C2orf92: variants seen among roughly 807,000 people sequenced by gnomAD.
C2orf92 encodes chromosome 2 open reading frame 92, also known as uncharacterized protein C2orf92.
At chr2:97,686,864 A>C (rs563805689) in intron 3 of C2orf92, among the ~76,000 whole-genome samples, 1 of 152,268 alleles carries the variant, frequency 6.6e-6, no homozygotes, top group East Asian at 1.9e-4. Flanking sequence ...AAAATTAAAA[A>C]AAAATTAGCT....
At chr2:97,696,906 A>C (rs1048710791) in intron 5 of C2orf92, among the ~76,000 whole-genome samples, 7 of 152,232 alleles carry the variant, frequency 4.6e-5, no homozygotes, top group Admixed American at 4.6e-4. Context: ...ACATAGCATC[A>C]GTCCTAGCAA....
At chr2:97,685,998 T>C (rs1392195054) in intron 3 of C2orf92, among the ~76,000 whole-genome samples, 1 of 152,246 alleles carries the variant, frequency 6.6e-6, no homozygotes, top group African/African-American at 2.4e-5. Flanking sequence ...TATAACAGAA[T>C]ACCACAGCCT....
At chr2:97,668,476 G>A (rs1414372072), upstream of C2orf92, 1 of 152,122 alleles carries the variant, frequency 6.6e-6, no homozygotes, top group East Asian at 1.9e-4. Flanking sequence ...CAAGCCCAAG[G>A]AGAAGATGGC....
intron 3 of C2orf92, among the ~76,000 whole-genome samples, chr2:97,678,081 T>A (rs2104550288): frequency 6.6e-6 from 1 of 151,974 alleles, no homozygotes; most frequent in South Asian, 2.1e-4. Flanking sequence ...GTGCCTGTAG[T>A]CCCACCTACT....
At chr2:97,665,721 CTCTCTCTCTCTCTCTCTATATA>C (rs1235401652), upstream of C2orf92, 37 of 63,104 alleles carry the variant, frequency 5.9e-4, no homozygotes, top group African/African-American at 2.0e-3. Context: ...CTCTCTCTCT[CTCTCTCTCTCTCTCTCTATATA>C]TATATATATA....
At chr2:97,685,644 C>A (rs1573216211) in intron 3 of C2orf92, among the ~76,000 whole-genome samples, 3 of 151,930 alleles carry the variant, frequency 2.0e-5, no homozygotes, top group African/African-American at 7.2e-5. Flanking sequence ...ATCACTGCAA[C>A]CTCCACCTCC....
chr2:97,679,750 T>C (rs1675701519), intron 3 of C2orf92, among the ~76,000 whole-genome samples: 1 of 149,980 alleles, frequency 6.7e-6, no homozygotes, highest in African/African-American at 2.5e-5. Context: ...GGCAGGAGAA[T>C]TGCTTGAACC....
intron 1 of C2orf92, among the ~76,000 whole-genome samples, chr2:97,672,839 A>G (rs1455892756): frequency 6.6e-6 from 1 of 151,816 alleles, no homozygotes; most frequent in African/African-American, 2.4e-5. Context: ...CTCCTGTTAC[A>G]TCAAGCGAGT....
rs900812691 is a variant in C2orf92, at chr2:97,701,227, C to G, written c.588C>G (p.Val196=). 2 of 399,140 alleles carry G rather than the reference C, an allele frequency of 5.0e-6. No homozygotes were observed. The highest frequency in any genetic ancestry group is 1.3e-3 in the Middle Eastern group (2 of 1,588). The allele number at this position is 399,140 out of a possible 1,614,324, so 24.7% of individuals were successfully genotyped here. Residue 196 remains valine, a synonymous_variant, in exon 7 of 8, where the codon GTC becomes GTG. Transcript: ENST00000627399. ...AGAGGAACACCATCATCGCCGCCGT[C>G]TCAGGGGTGGCCATCCTCATGGCCA... ...FLQRNTIIAA[V]SGVAILMAIV... is the part of the protein sequence containing the mutation.
chr2:97,669,836 T>C lies in C2orf92; in HGVS notation c.46+2T>C, dbSNP rs185504761. ...TCTTTGTTCTCTGCTGGATCCAAGG[T>C]ATATTGCTGTGGCAGCTGGAGAGAA... On this transcript the variant is annotated splice_donor_variant, in intron 1 of 7. Transcript: ENST00000627399. LOFTEE classifies it high-confidence loss of function. 2.2e-4 allele frequency: 88 copies of C among 398,610 alleles called. No individual in the cohort carries two copies. Among genetic ancestry groups the C allele is most frequent in the Admixed American group, 1.1e-3 (26 of 22,734 alleles). The allele number at this position is 398,610 out of a possible 1,614,324, so 24.7% of individuals were successfully genotyped here.
chr2:97,690,758 A>T (rs1676107562), intron 5 of C2orf92, among the ~76,000 whole-genome samples: 1 of 148,546 alleles, frequency 6.7e-6, no homozygotes, highest in African/African-American at 2.5e-5. Context: ...TGTAGAGAGT[A>T]CAAGAGAGTA....
chr2:97,690,439 G>T, intron 5 of C2orf92, 112 bp downstream of exon 5: 1 of 379,846 alleles, frequency 2.6e-6, no homozygotes, highest in Non-Finnish European at 4.7e-6. Context: ...GGAGTACAGC[G>T]GTGCAGTCTC....
upstream of C2orf92, among the ~76,000 whole-genome samples, chr2:97,664,891 T>A (rs1023346949): frequency 5.3e-5 from 8 of 152,236 alleles, 1 homozygote; most frequent in African/African-American, 1.9e-4. Context: ...TATTTCCTCG[T>A]TGAGCACTGA....
At chr2:97,666,787 G>A (rs1339150646), upstream of C2orf92, 1 of 146,690 alleles carries the variant, frequency 6.8e-6, no homozygotes, top group Non-Finnish European at 1.5e-5. Flanking sequence ...AGGTTGCGGT[G>A]AGCCCAGATC....
At chr2:97,683,510 G>A (rs189646116) in intron 3 of C2orf92, among the ~76,000 whole-genome samples, 14 of 150,388 alleles carry the variant, frequency 9.3e-5, no homozygotes, top group African/African-American at 3.2e-4. Flanking sequence ...GATCCAGCCT[G>A]GGCAACACAA....
intron 7 of C2orf92, among the ~76,000 whole-genome samples, chr2:97,701,564 G>T (rs1443509778): frequency 6.6e-6 from 1 of 152,220 alleles, no homozygotes; most frequent in Non-Finnish European, 1.5e-5. Context: ...GGCCACTACG[G>T]TTAGGCCAGA....
At chr2:97,671,556 G>T in intron 1 of C2orf92, 1 of 398,598 alleles carries the variant, frequency 2.5e-6, no homozygotes, top group South Asian at 1.3e-4. Context: ...TTGCGTGCAT[G>T]GTCCTCATTG....
At chr2:97,686,842 C>G (rs1371421828) in intron 3 of C2orf92, among the ~76,000 whole-genome samples, 2 of 152,106 alleles carry the variant, frequency 1.3e-5, no homozygotes, top group Non-Finnish European at 2.9e-5. Context: ...TGGTGAAACC[C>G]TGTCTCTACT....
intron 1 of C2orf92, chr2:97,671,462 T>C: frequency 2.5e-6 from 1 of 398,544 alleles, no homozygotes; most frequent in Middle Eastern, 6.3e-4. Flanking sequence ...TTTCCTCAAA[T>C]TCAAAAAATC....
Sources: gnomAD v4.1 joint callset for allele counts (sites outside exome capture counted in the v4.1 genomes callset) on GRCh38, gnomAD v4.1.1 for gene constraint, MANE v1.5 for transcripts, NCBI Gene and HGNC (gene_info 2026-07-23, HGNC 2026-07-21) for gene names.